Variants in EYA1 observed in about 807,000 individuals in gnomAD.
EYA1 encodes protein phosphatase EYA1.
Under a neutral mutation model 82.0 loss-of-function variants are expected in EYA1, and 16 were observed. The ratio of observed to expected loss-of-function variants is 0.20; its 90% CI spans 0.13 to 0.30. The LOEUF (loss-of-function observed/expected upper bound fraction) is 0.30. Among genes scored for constraint, EYA1 ranks in the 10% least tolerant of loss-of-function variants. The pLI is 1.00. For missense variants in EYA1, 633 were observed against 730.7 expected (o/e 0.87, Z 1.54); for synonymous variants, 261 against 264.4 (o/e 0.99, Z 0.12).
chr8:71,199,315 T>C lies in EYA1; in HGVS notation c.*25A>G. 1.3e-6 allele frequency: 2 copies of C among 1,541,764 alleles called. No homozygotes were observed. The highest frequency in any genetic ancestry group is 3.4e-5 in the Admixed American group (2 of 59,310). On this transcript the variant is annotated 3_prime_UTR_variant, in exon 18 of 18. Transcript: ENST00000340726. Reference sequence around the variant, plus strand: ...TCTGTCCCTGGTCACAGAGCAGCTGTGCGCTGTCAAAGTGCCGAGCGCTGT... The same window carrying C: ...TCTGTCCCTGGTCACAGAGCAGCTGCGCGCTGTCAAAGTGCCGAGCGCTGT...
intron 2 of EYA1, chr8:71,403,328 C>T (rs909752753): frequency 6.6e-6 from 1 of 152,042 alleles, no homozygotes; most frequent in Non-Finnish European, 1.5e-5. Flanking sequence ...ACTATCAAAC[C>T]TAAGAAATTG....
At chr8:71,399,671 T>C (rs1403204877) in intron 2 of EYA1, among the ~76,000 whole-genome samples, 1 of 152,188 alleles carries the variant, frequency 6.6e-6, no homozygotes, top group Non-Finnish European at 1.5e-5. Context: ...TAACATTCCA[T>C]GTTCATGGAT....
At position 71,265,553 on chromosome 8, in the gene EYA1, TTGAGTGTAGATATCTTGGG is replaced by T. The variant is rs775175485; in HGVS notation, c.1050+4168_1050+4186del. On this transcript the variant is annotated intron_variant, in intron 11 of 17. Transcript: ENST00000340726. ...AGATAGTGTTGAAACAATCAAGGCG[TTGAGTGTAGATATCTTGGG>T]TAATCCTCCCACAGGAGGGGGACCA... Among the ~76,000 whole-genome samples, 229 of 152,284 alleles carry T rather than the reference TTGAGTGTAGATATCTTGGG, an allele frequency of 1.5e-3. 3 individuals are homozygous for T. Among genetic ancestry groups the T allele is most frequent in the Admixed American group, 6.0e-3 (91 of 15,294 alleles).
chr8:71,317,822 G>A, intron 6 of EYA1, 133 bp from the exon 7 acceptor site: 1 of 843,868 alleles, frequency 1.2e-6, no homozygotes, highest in Non-Finnish European at 2.0e-6. Flanking sequence ...GGGTATACAT[G>A]CATTCAGTGA....
chr8:71,519,612 T>C (rs1813235263), intron 2 of EYA1, among the ~76,000 whole-genome samples: 2 of 151,956 alleles, frequency 1.3e-5, no homozygotes, highest in Non-Finnish European at 2.9e-5. Context: ...TTACTAAGTC[T>C]TTCTAAATTA....
At position 71,531,463 on chromosome 8, in the gene EYA1, G is replaced by A. The variant is rs142225085; in HGVS notation, c.33+4281C>T. Reference sequence around the variant, plus strand: ...ATTCAGACACAAGTTTTGGGTTATCGAGTGGTGGGTTTTTAACTGCAGCCC... The same window carrying A: ...ATTCAGACACAAGTTTTGGGTTATCAAGTGGTGGGTTTTTAACTGCAGCCC... On this transcript the variant is annotated intron_variant, in intron 2 of 18. Coordinates refer to the EYA1 transcript ENST00000643681. Among the ~76,000 whole-genome samples the A allele has an allele frequency of 1.2e-4, 19 of 152,218 alleles. 2 individuals carry two copies. Among genetic ancestry groups the A allele is most frequent in the South Asian group, 4.2e-4 (2 of 4,818 alleles).
intron 2 of EYA1, among the ~76,000 whole-genome samples, chr8:71,378,713 T>C (rs1828519736): frequency 6.6e-6 from 1 of 152,214 alleles, no homozygotes; most frequent in Non-Finnish European, 1.5e-5. Flanking sequence ...AATCATTGGA[T>C]TGCCTTGTAT....
intron 2 of EYA1, among the ~76,000 whole-genome samples, chr8:71,453,513 G>C (rs1807583520): frequency 1.3e-5 from 2 of 152,148 alleles, no homozygotes; most frequent in African/African-American, 4.8e-5. Context: ...TTAAGGGCAG[G>C]CAGAAAGAAA....
intron 6 of EYA1, among the ~76,000 whole-genome samples, chr8:71,319,421 C>A (rs1414603423): frequency 2.0e-5 from 3 of 152,136 alleles, no homozygotes; most frequent in Non-Finnish European, 2.9e-5. Context: ...TGAGCCACTG[C>A]GCCTGGCCTA....
At chr8:71,382,642 A>G (rs1458628121) in intron 2 of EYA1, among the ~76,000 whole-genome samples, 1 of 152,138 alleles carries the variant, frequency 6.6e-6, no homozygotes, top group Non-Finnish European at 1.5e-5. Context: ...ATTGACTAGT[A>G]AAGGATATAT....
intron 2 of EYA1, among the ~76,000 whole-genome samples, chr8:71,421,249 G>A (rs1337457066): frequency 6.6e-6 from 1 of 152,148 alleles, no homozygotes; most frequent in Non-Finnish European, 1.5e-5. Flanking sequence ...CTGTTGCAAG[G>A]AATCCCCCTG....
At chr8:71,332,580 A>G (rs1824010815) in intron 4 of EYA1, among the ~76,000 whole-genome samples, 2 of 152,206 alleles carry the variant, frequency 1.3e-5, no homozygotes, top group Admixed American at 6.5e-5. Context: ...TCAAATTAAT[A>G]CAAAAAAATC....
intron 2 of EYA1, among the ~76,000 whole-genome samples, chr8:71,368,672 T>G (rs1399943275): frequency 6.6e-6 from 1 of 152,124 alleles, no homozygotes; most frequent in Admixed American, 6.5e-5. Context: ...ACAGTATACC[T>G]CTTTTGGGAG....
chr8:71,333,991 A>T, intron 4 of EYA1, 106 bp downstream of exon 4: 2 of 797,166 alleles, frequency 2.5e-6, no homozygotes, highest in South Asian at 2.8e-5. Context: ...ATATACCCAC[A>T]TATATACACA....
chr8:71,541,682 C>T (rs965590143), intron 1 of EYA1, among the ~76,000 whole-genome samples: 2 of 152,200 alleles, frequency 1.3e-5, no homozygotes, highest in Admixed American at 6.5e-5. Context: ...GGTATGTACA[C>T]AGCTTGAGAA....
chr8:71,286,852 G>C (rs939152717), intron 9 of EYA1, among the ~76,000 whole-genome samples: 1 of 147,510 alleles, frequency 6.8e-6, no homozygotes, highest in African/African-American at 2.5e-5. Flanking sequence ...ATGCAGGCTG[G>C]AGTGCAGTGG....
chr8:71,503,761 C>T (rs1353735463), intron 2 of EYA1, among the ~76,000 whole-genome samples: 4 of 152,172 alleles, frequency 2.6e-5, no homozygotes, highest in East Asian at 1.9e-4. Context: ...ACTTTGCATG[C>T]TCACTTAAAA....
intron 2 of EYA1, among the ~76,000 whole-genome samples, chr8:71,485,662 T>C (rs971343067): frequency 6.6e-6 from 1 of 152,232 alleles, no homozygotes; most frequent in Non-Finnish European, 1.5e-5. Flanking sequence ...TTTTTCTTTA[T>C]ATTGTATTTT....
At chr8:71,426,128 T>C (rs1805212425) in intron 2 of EYA1, among the ~76,000 whole-genome samples, 1 of 152,232 alleles carries the variant, frequency 6.6e-6, no homozygotes, top group South Asian at 2.1e-4. Context: ...TCAAATACTT[T>C]AGTATGGCCT....
Sources: gnomAD v4.1 joint callset for allele counts (sites outside exome capture counted in the v4.1 genomes callset) on GRCh38, gnomAD v4.1.1 for gene constraint, MANE v1.5 for transcripts, NCBI Gene and HGNC (gene_info 2026-07-23, HGNC 2026-07-21) for gene names.